MYO15A: variants seen among roughly 807,000 people sequenced by gnomAD.
MYO15A encodes myosin XVA.
A neutral mutation model predicts 394.6 loss-of-function variants in MYO15A; 308 were observed. That is an observed-to-expected ratio of 0.78 (90% CI 0.71 to 0.86). MYO15A has a LOEUF of 0.86. Ranked by LOEUF, MYO15A falls within the 40% of genes least tolerant of loss-of-function variation. The pLI, the probability that MYO15A is intolerant of heterozygous loss-of-function variation, is 0.00. For missense variants in MYO15A, 4,606 were observed against 4,799.1 expected (o/e 0.96, Z 1.19); for synonymous variants, 1,957 against 2,003.8 (o/e 0.98, Z 0.62).
Position 18,119,095 on chromosome 17 carries a change from A to G in MYO15A, c.295A>G (p.Met99Val), listed in dbSNP as rs1338888449. The change falls in exon 2 of 66, where the codon ATG becomes GTG. Residue 99 changes from methionine (M) to valine (V), a missense_variant. Met to Val is a conservative substitution (Grantham distance 21). This residue lies in a region of MYO15A where 1,830 missense variants were observed against 1,689.7 expected (regional missense o/e 1.08). Transcript: ENST00000647165. ...QMRMGKKKRA[M>V]KGKKPSFMVI... ...GCGCATGGGCAAGAAGAAGCGGGCG[A>G]TGAAGGGCAAGAAGCCGTCCTTCAT... The G allele has an allele frequency of 6.2e-7, 1 of 1,612,042 alleles. No homozygotes were observed. The highest frequency in any genetic ancestry group is 8.5e-7 in the Non-Finnish European group (1 of 1,179,652).
chr17:18,163,493 G>A (rs1309183537), intron 59 of MYO15A, among the ~76,000 whole-genome samples, 172 bp downstream of exon 59: 1 of 152,240 alleles, frequency 6.6e-6, no homozygotes, highest in African/African-American at 2.4e-5. Flanking sequence ...GCACCTCAGA[G>A]AGGTTAAGCC....
Position 18,151,495 on chromosome 17 carries a change from G to A in MYO15A, c.7755G>A (p.Gln2585=). ...QIKNIVRQYQ[Q]PFRGGRPEAL... ...AGAATATTGTCAGGCAGTACCAGCA[G>A]CCGTTCCGGGGAGGCCGGCCTGAGG... Residue 2585 remains glutamine, a synonymous_variant, in exon 40 of 66, where the codon CAG becomes CAA. Coordinates refer to ENST00000647165, the MANE Select transcript of MYO15A (RefSeq NM_016239.4). 6.2e-7 allele frequency: 1 copy of A among 1,614,194 alleles called. No individual in the cohort carries two copies. Among genetic ancestry groups the A allele is most frequent in the East Asian group, 2.2e-5 (1 of 44,870 alleles).
Position 18,135,820 on chromosome 17 carries a change from T to C in MYO15A, c.4592T>C (p.Val1531Ala). 6.2e-7 allele frequency: 1 copy of C among 1,613,680 alleles called. No individual in the cohort carries two copies. Among genetic ancestry groups the C allele is most frequent in the African/African-American group, 1.3e-5 (1 of 75,038 alleles). ...CTGCAGAAGGCCATCACCTTCAAAG[T>C]GACCGTGAGTCTGTGGGCATCTGGC... ...EGLQKAITFK[V>A]TETMREKIFT... is the part of the protein sequence containing the mutation. Residue 1531 changes from valine to alanine, a missense_variant, in exon 13 of 66, where the codon GTG (valine) becomes GCG (alanine). By Grantham distance (64) the Val-to-Ala change is moderately conservative. This residue lies in a region of MYO15A where 2,776 missense variants were observed against 3,109.3 expected (regional missense o/e 0.89). Transcript: ENST00000647165.
At chr17:18,151,334 T>C in intron 39 of MYO15A, 44 bp downstream of exon 39, 1 of 1,614,192 alleles carries the variant, frequency 6.2e-7, no homozygotes, top group Non-Finnish European at 8.5e-7. Flanking sequence ...AGGACAGGCC[T>C]GGTGGTGTGG....
At chr17:18,126,922 C>A in intron 6 of MYO15A, 57 bp downstream of exon 6, 1 of 1,605,010 alleles carries the variant, frequency 6.2e-7, no homozygotes, top group Non-Finnish European at 8.5e-7. Context: ...AGCAGGCCTG[C>A]ATCTGGCCAG....
At chr17:18,129,937 T>C (rs1458191343) in intron 7 of MYO15A, among the ~76,000 whole-genome samples, 1 of 152,216 alleles carries the variant, frequency 6.6e-6, no homozygotes, top group Non-Finnish European at 1.5e-5. Flanking sequence ...TGGAGTGCAG[T>C]GGTGCCATCT....
chr17:18,165,325 A>T (rs2046837832), intron 60 of MYO15A, among the ~76,000 whole-genome samples: 1 of 152,188 alleles, frequency 6.6e-6, no homozygotes, highest in African/African-American at 2.4e-5. Context: ...CTAAAATGAA[A>T]ATGGCATCAG....
rs763965282 is a variant in MYO15A at position 18,163,270 on chromosome 17, CTTT to C, written c.9640_9642del (p.Phe3214del). On this transcript the variant is annotated inframe_deletion, in exon 59 of 66. Coordinates refer to ENST00000647165, the MANE Select transcript of MYO15A (RefSeq NM_016239.4). ...CAGGCCGCAGTTCCAAGAGGCAACTCTTTCTTCTTCCTGGAGGCCTTGAACGCC... is the reference window on the plus strand; with the variant it reads ...CAGGCCGCAGTTCCAAGAGGCAACTCCTTCTTCCTGGAGGCCTTGAACGCC... 6.2e-7 allele frequency: 1 copy of C among 1,614,234 alleles called. No homozygotes were observed. The highest frequency in any genetic ancestry group is 1.1e-5 in the South Asian group (1 of 91,084).
At chr17:18,151,359 G>A in intron 39 of MYO15A, 36 bp from the exon 40 acceptor site, 1 of 1,614,172 alleles carries the variant, frequency 6.2e-7, no homozygotes, top group African/African-American at 1.3e-5. Flanking sequence ...GCCCCTTGTG[G>A]CCTCACCCTG....
At position 18,157,060 on chromosome 17, in the gene MYO15A, G is replaced by T; in HGVS notation, c.8708G>T (p.Arg2903Leu). ...CACCTGCAGCCCCTAGAGCCACCTC[G>T]AGTGGGTCAGTGCCACTGGGGTGGG... Reference protein sequence around the residue: ...IIHLQPLEPPRVGYSAGCVVR... With the variant: ...IIHLQPLEPPLVGYSAGCVVR... Residue 2903 changes from arginine (R) to leucine (L), a missense_variant, in exon 49 of 66, where the codon CGA becomes CTA. Coordinates refer to ENST00000647165, the MANE Select transcript of MYO15A (RefSeq NM_016239.4). 4.3e-6 allele frequency: 7 copies of T among 1,614,048 alleles called. No individual in the cohort carries two copies. Among genetic ancestry groups the T allele is most frequent in the Non-Finnish European group, 5.9e-6 (7 of 1,180,016 alleles).
At position 18,147,689 on chromosome 17, in the gene MYO15A, C is replaced by T. The variant is rs572627749; in HGVS notation, c.6510-340C>T. On this transcript the variant is annotated intron_variant, in intron 30 of 65. Transcript: ENST00000647165. This position sits in a 1 kb window ranked among gnomAD's most constrained non-coding sequence, Gnocchi z 4.4. Reference sequence around the variant, plus strand: ...GCCTGTCAATGACATTTTGTTCCAACAAGCTGGTACCTCTTTGGCCTATCC... The same window carrying T: ...GCCTGTCAATGACATTTTGTTCCAATAAGCTGGTACCTCTTTGGCCTATCC... 6.6e-6 allele frequency among the ~76,000 whole-genome samples: 1 copy of T among 152,326 alleles called. No individual in the cohort carries two copies. The highest frequency in any genetic ancestry group is 1.5e-5 in the Non-Finnish European group (1 of 68,028).
At position 18,120,122 on chromosome 17, in the gene MYO15A, C is replaced by T; in HGVS notation, c.1322C>T (p.Ala441Val). 3.7e-6 allele frequency: 6 copies of T among 1,612,784 alleles called. No homozygotes were observed. Among genetic ancestry groups the T allele is most frequent in the Non-Finnish European group, 5.1e-6 (6 of 1,179,756 alleles). Reference protein sequence around the residue: ...DIAELEEPEDAGVERQGTSFR... With the variant: ...DIAELEEPEDVGVERQGTSFR... The stretch of plus-strand genomic sequence containing the variant: ...GCCGAGCTGGAGGAACCAGAGGACG[C>T]GGGCGTAGAGCGTCAGGGGACCTCC... Residue 441 changes from alanine to valine, a missense_variant, in exon 2 of 66, where the codon GCG becomes GTG. Physicochemically the swap from Ala to Val is moderately conservative, Grantham distance 64 (BLOSUM62 0). This residue lies in a region of MYO15A where 1,830 missense variants were observed against 1,689.7 expected (regional missense o/e 1.08). Coordinates refer to ENST00000647165, the MANE Select transcript of MYO15A (RefSeq NM_016239.4).
In MYO15A at chr17:18,136,680, T is replaced by C; in HGVS notation, c.4773T>C (p.Gly1591=). The change falls in exon 15 of 66, where the codon GGT becomes GGC. Residue 1591 remains glycine, a synonymous_variant. Coordinates refer to ENST00000647165, the MANE Select transcript of MYO15A (RefSeq NM_016239.4). ...CCATCGCCATCCTGGACATCTATGGTTTCGAGGTGGGGCCGTGTAGGAGGC... is the reference window on the plus strand; with the variant it reads ...CCATCGCCATCCTGGACATCTATGGCTTCGAGGTGGGGCCGTGTAGGAGGC... ...TLSIAILDIY[G]FEDLSFNSFE... 1 of 1,605,634 alleles carries C rather than the reference T, an allele frequency of 6.2e-7. No individual in the cohort carries two copies. The highest frequency in any genetic ancestry group is 8.5e-7 in the Non-Finnish European group (1 of 1,177,520).
Position 18,120,186 on chromosome 17 carries a change from C to CA in MYO15A, c.1387dup (p.Met463AsnfsTer3), listed in dbSNP as rs2045886222. ...GCGCCGCCTTCTTCGAGCAGCAAGG[C>CA]ATGGATAAGCCCGCCAGGTCCAAGC... On this transcript the variant is annotated frameshift_variant, in exon 2 of 66. Coordinates refer to ENST00000647165, the MANE Select transcript of MYO15A (RefSeq NM_016239.4). LOFTEE classifies it high-confidence loss of function. The CA allele has an allele frequency of 6.2e-7, 1 of 1,612,802 alleles. No individual in the cohort carries two copies. Among genetic ancestry groups the CA allele is most frequent in the Non-Finnish European group, 8.5e-7 (1 of 1,180,014 alleles).
rs754316966 is a variant in MYO15A at position 18,124,579 on chromosome 17, G to A, written c.3692+14G>A. ...GACACAGCTGGAGTGAGTGGGCAGG[G>A]CCGGCGGGGTCAGCAAGGGGTCACC... is the stretch of plus-strand genomic sequence containing the variant. On this transcript the variant is annotated intron_variant, in intron 3 of 65. Transcript: ENST00000647165. The A allele has an allele frequency of 9.3e-6, 15 of 1,612,200 alleles. No individual in the cohort carries two copies. Among genetic ancestry groups the A allele is most frequent in the Non-Finnish European group, 1.3e-5 (15 of 1,179,702 alleles).
chr17:18,123,267 G>C (rs978552264), intron 2 of MYO15A: 5 of 152,294 alleles, frequency 3.3e-5, no homozygotes. Flanking sequence ...CAGCCTGGCT[G>C]CTGAGGGGGC....
intron 51 of MYO15A, chr17:18,158,228 G>A (rs950973829): frequency 9.8e-5 from 58 of 589,682 alleles, no homozygotes; most frequent in Non-Finnish European, 1.7e-4. Flanking sequence ...AGGTGAGTGG[G>A]CGGCTTGTGG....
At chr17:18,128,308 A>C (rs1276639852) in intron 7 of MYO15A, among the ~76,000 whole-genome samples, 1 of 152,154 alleles carries the variant, frequency 6.6e-6, no homozygotes, top group African/African-American at 2.4e-5. Context: ...CCTGGAGCTC[A>C]GGAGAAGGTG....
At position 18,141,071 on chromosome 17, in the gene MYO15A, G is replaced by C; in HGVS notation, c.5459G>C (p.Gly1820Ala). 1 of 1,614,062 alleles carries C rather than the reference G, an allele frequency of 6.2e-7. No individual in the cohort carries two copies. Among genetic ancestry groups the C allele is most frequent in the East Asian group, 2.2e-5 (1 of 44,874 alleles). ...GTAATGGCACAATTACGCTATTCAGGGGTGCTGGAGACCGTGAGGATCCGC... is the reference window on the plus strand; with the variant it reads ...GTAATGGCACAATTACGCTATTCAGCGGTGCTGGAGACCGTGAGGATCCGC... Reference protein sequence around the residue: ...DVVMAQLRYSGVLETVRIRKE... With the variant: ...DVVMAQLRYSAVLETVRIRKE... Residue 1820 changes from glycine (G) to alanine (A), a missense_variant, in exon 22 of 66, where the codon GGG (glycine) becomes GCG (alanine). Physicochemically the swap from Gly to Ala is moderately conservative, Grantham distance 60. Coordinates refer to ENST00000647165, the MANE Select transcript of MYO15A (RefSeq NM_016239.4).
Sources: gnomAD v4.1 joint callset for allele counts (sites outside exome capture counted in the v4.1 genomes callset) on GRCh38, gnomAD v4.1.1 for gene constraint, gnomAD v4.1.1 regional missense constraint, Gnocchi (gnomAD v3.1) non-coding constraint, MANE v1.5 for transcripts, NCBI Gene and HGNC (gene_info 2026-07-23, HGNC 2026-07-21) for gene names.